Variants in MACROD2 observed in about 807,000 individuals in gnomAD.
The protein encoded by MACROD2 is ADP-ribose glycohydrolase MACROD2.
MACROD2 carries 36 observed loss-of-function variants against 70.4 expected under a neutral mutation model. The observed-to-expected ratio is 0.51, with a 90% CI of 0.39 to 0.68. MACROD2 has a LOEUF of 0.68. MACROD2 is among the 30% of genes least tolerant of loss of function. MACROD2 has a pLI of 0.00. For missense variants in MACROD2, 496 were observed against 538.4 expected (o/e 0.92, Z 0.78); for synonymous variants, 172 against 178.8 (o/e 0.96, Z 0.30).
intron 2 of MACROD2, among the ~76,000 whole-genome samples, chr20:14,081,711 T>C (rs1235579351): frequency 6.6e-6 from 1 of 152,244 alleles, no homozygotes; most frequent in Non-Finnish European, 1.5e-5. Flanking sequence ...TGGTAATTTA[T>C]ATTGTTGTAT....
chr20:14,276,070 G>A (rs976648435), intron 3 of MACROD2, among the ~76,000 whole-genome samples: 10 of 151,742 alleles, frequency 6.6e-5, no homozygotes, highest in African/African-American at 1.2e-4. Context: ...TCAGTGTGGC[G>A]ATTCCTCAGG....
At chr20:14,461,726 A>G (rs1237474629) in intron 3 of MACROD2, among the ~76,000 whole-genome samples, 2 of 150,862 alleles carry the variant, frequency 1.3e-5, no homozygotes, top group Non-Finnish European at 2.9e-5. Flanking sequence ...TCATTGTTCA[A>G]TTCCCACCTA....
chr20:14,278,749 T>C (rs2082279751), intron 3 of MACROD2, among the ~76,000 whole-genome samples: 1 of 152,234 alleles, frequency 6.6e-6, no homozygotes, highest in Non-Finnish European at 1.5e-5. Context: ...TTGAATGAAT[T>C]GCTGTCATAT....
At chr20:15,830,720 C>G (rs2064046049) in intron 8 of MACROD2, among the ~76,000 whole-genome samples, 4 of 152,140 alleles carry the variant, frequency 2.6e-5, no homozygotes, top group Admixed American at 2.6e-4. Context: ...ATATCAAATT[C>G]TCTAAACTTC....
intron 6 of MACROD2, among the ~76,000 whole-genome samples, chr20:15,316,548 C>T (rs1417803784): frequency 6.6e-6 from 1 of 151,992 alleles, no homozygotes; most frequent in African/African-American, 2.4e-5. Flanking sequence ...AGATATGAAG[C>T]AAACACTGAT....
At chr20:14,026,644 T>A (rs1337812411) in intron 2 of MACROD2, among the ~76,000 whole-genome samples, 2 of 152,234 alleles carry the variant, frequency 1.3e-5, no homozygotes, top group Non-Finnish European at 2.9e-5. Flanking sequence ...TTGAAAATTC[T>A]TTTCTTTAAG....
intron 2 of MACROD2, among the ~76,000 whole-genome samples, chr20:14,047,822 A>G (rs1338773987): frequency 6.6e-6 from 1 of 152,220 alleles, no homozygotes; most frequent in Non-Finnish European, 1.5e-5. Flanking sequence ...GAAGCAGTAG[A>G]TAGTAAAATG....
chr20:14,616,147 G>C (rs2123440118), intron 4 of MACROD2, among the ~76,000 whole-genome samples: 1 of 152,192 alleles, frequency 6.6e-6, no homozygotes, highest in East Asian at 1.9e-4. Context: ...GGACTTTCTT[G>C]GCAATGTCAG....
intron 3 of MACROD2, among the ~76,000 whole-genome samples, chr20:14,208,463 G>A (rs2081543876): frequency 6.6e-6 from 1 of 152,108 alleles, no homozygotes; most frequent in Non-Finnish European, 1.5e-5. Context: ...TTGGCCGTTA[G>A]CACCATATAG....
intron 5 of MACROD2, among the ~76,000 whole-genome samples, chr20:15,191,931 T>TATATATATAGAGAGAGAG (rs150210305): frequency 7.0e-6 from 1 of 142,290 alleles, no homozygotes; most frequent in African/African-American, 2.6e-5. Flanking sequence ...TATATATATA[T>TATATATATAGAGAGAGAG]AGAGAGAGAG....
intron 13 of MACROD2, among the ~76,000 whole-genome samples, chr20:15,978,688 A>G (rs1008185596): frequency 2.0e-5 from 3 of 152,054 alleles, no homozygotes; most frequent in Non-Finnish European, 4.4e-5. Flanking sequence ...GGTTTTTTCA[A>G]AAGTGGAAAG....
intron 5 of MACROD2, among the ~76,000 whole-genome samples, chr20:14,973,855 TTAAAA>T (rs1295475926): frequency 6.6e-6 from 1 of 152,110 alleles, no homozygotes; most frequent in Non-Finnish European, 1.5e-5. Flanking sequence ...ATTTTTACTA[TTAAAA>T]TAGAATAGAA....
chr20:14,942,052 G>A (rs2074395032), intron 5 of MACROD2, among the ~76,000 whole-genome samples: 1 of 151,738 alleles, frequency 6.6e-6, no homozygotes, highest in Admixed American at 6.6e-5. Context: ...ACCTGCCTCA[G>A]CATCCCGAAG....
intron 4 of MACROD2, among the ~76,000 whole-genome samples, chr20:14,510,502 A>G (rs1238447111): frequency 6.6e-6 from 1 of 152,072 alleles, no homozygotes; most frequent in Non-Finnish European, 1.5e-5. Flanking sequence ...CCTCTTGAAT[A>G]TTTTAGTGTC....
chr20:14,172,057 C>A (rs1332553864), intron 3 of MACROD2, among the ~76,000 whole-genome samples: 2 of 152,098 alleles, frequency 1.3e-5, no homozygotes, highest in East Asian at 3.9e-4. Flanking sequence ...TGATATTTTC[C>A]TATTGGACAA....
chr20:15,365,638 G>C (rs1401439587), intron 6 of MACROD2, among the ~76,000 whole-genome samples: 1 of 151,600 alleles, frequency 6.6e-6, no homozygotes, highest in African/African-American at 2.4e-5. Context: ...TCCAGCCTGG[G>C]CGACAGAGCG....
chr20:14,526,360 A>C (rs2085232430), intron 4 of MACROD2, among the ~76,000 whole-genome samples: 1 of 152,180 alleles, frequency 6.6e-6, no homozygotes, highest in African/African-American at 2.4e-5. Flanking sequence ...AAAGGACACA[A>C]ATTCTGCCAT....
intron 15 of MACROD2, among the ~76,000 whole-genome samples, chr20:16,018,433 T>C (rs1454412202): frequency 6.6e-6 from 1 of 152,166 alleles, no homozygotes; most frequent in African/African-American, 2.4e-5. Flanking sequence ...GTTTCAATGT[T>C]CCCCATTCTC....
intron 5 of MACROD2, among the ~76,000 whole-genome samples, chr20:15,031,058 G>A (rs901899053): frequency 6.6e-6 from 1 of 152,232 alleles, no homozygotes; most frequent in Non-Finnish European, 1.5e-5. Context: ...GGGAGCTCAG[G>A]GTCTGGCCAC....
Sources: gnomAD v4.1 joint callset for allele counts (sites outside exome capture counted in the v4.1 genomes callset) on GRCh38, gnomAD v4.1.1 for gene constraint, MANE v1.5 for transcripts, NCBI Gene and HGNC (gene_info 2026-07-23, HGNC 2026-07-21) for gene names.